RGS6: variants seen among roughly 807,000 people sequenced by gnomAD.
RGS6 encodes regulator of G-protein signaling 6.
A neutral mutation model predicts 78.5 loss-of-function variants in RGS6; 30 were observed. That is an observed-to-expected ratio of 0.38 (90% CI 0.29 to 0.52). The LOEUF is 0.52. Ranked by LOEUF, RGS6 falls within the 20% of genes least tolerant of loss-of-function variation. The pLI is 0.85. For synonymous variants in RGS6, 206 were observed against 206.0 expected, an observed-to-expected ratio of 1.00 and a Z score of 0.00; for missense variants, 495 against 609.7, an observed-to-expected ratio of 0.81 and a Z score of 1.98.
At chr14:72,621,835 T>C in the RGS6 span, among the ~76,000 whole-genome samples, 2 of 152,278 alleles carry the variant, frequency 1.3e-5, no homozygotes, top group Admixed American at 6.5e-5. Context: ...GCCGTCTGGG[T>C]TGTGGCTTGG....
intron 2 of RGS6, among the ~76,000 whole-genome samples, chr14:72,305,321 C>T (rs904351047): frequency 2.6e-5 from 4 of 152,126 alleles, no homozygotes; most frequent in African/African-American, 9.7e-5. Flanking sequence ...CATATAGATG[C>T]ATCTTCTCCA....
chr14:72,608,659 C>T, the RGS6 span, among the ~76,000 whole-genome samples: 1 of 152,178 alleles, frequency 6.6e-6, no homozygotes, highest in African/African-American at 2.4e-5. Context: ...AGAAAAGGAG[C>T]TGCTCTACTC....
intron 2 of RGS6, among the ~76,000 whole-genome samples, chr14:72,220,259 A>C (rs555406585): frequency 6.6e-6 from 1 of 152,282 alleles, no homozygotes; most frequent in African/African-American, 2.4e-5. Flanking sequence ...AACATTCCAC[A>C]TGAATTTTTT....
the RGS6 span, among the ~76,000 whole-genome samples, chr14:71,877,960 A>T: frequency 2.0e-5 from 3 of 152,130 alleles, no homozygotes; most frequent in African/African-American, 7.2e-5. Context: ...TCCAGACGCT[A>T]TTTGCCTGGG....
intron 12 of RGS6, among the ~76,000 whole-genome samples, chr14:72,480,626 G>A (rs1205543715): frequency 3.3e-5 from 5 of 152,134 alleles, no homozygotes; most frequent in South Asian, 2.1e-4. Flanking sequence ...GAAAGGAGAC[G>A]CGTGTTAGCT....
At chr14:71,905,366 C>CT in the RGS6 span, among the ~76,000 whole-genome samples, 2 of 152,080 alleles carry the variant, frequency 1.3e-5, no homozygotes, top group Admixed American at 6.5e-5. Flanking sequence ...GTTGTTTTGT[C>CT]TTTTTTTGCA....
intron 2 of RGS6, among the ~76,000 whole-genome samples, chr14:72,289,052 A>G (rs2063108051): frequency 6.6e-6 from 1 of 152,204 alleles, no homozygotes; most frequent in East Asian, 1.9e-4. Flanking sequence ...TGCATATACA[A>G]CATGTCTACA....
At chr14:72,088,226 C>T (rs894760331) in intron 2 of RGS6, among the ~76,000 whole-genome samples, 5 of 152,144 alleles carry the variant, frequency 3.3e-5, no homozygotes, top group South Asian at 4.2e-4. Context: ...GAGTAACCTT[C>T]GGGGCACATT....
chr14:72,262,654 G>A (rs2058368358), intron 2 of RGS6, among the ~76,000 whole-genome samples: 1 of 152,220 alleles, frequency 6.6e-6, no homozygotes, highest in African/African-American at 2.4e-5. Flanking sequence ...TCTTCTGCAA[G>A]TTGACATTTC....
chr14:71,924,166 T>C, the RGS6 span, among the ~76,000 whole-genome samples: 2 of 152,066 alleles, frequency 1.3e-5, no homozygotes, highest in Admixed American at 6.6e-5. Flanking sequence ...CACCTCAGCC[T>C]CCCCAGTAGC....
At chr14:71,894,998 A>G in the RGS6 span, among the ~76,000 whole-genome samples, 2 of 152,030 alleles carry the variant, frequency 1.3e-5, no homozygotes, top group East Asian at 3.9e-4. Context: ...TCCCGACCTC[A>G]GGTGATCTGC....
intron 17 of RGS6, among the ~76,000 whole-genome samples, chr14:72,558,230 G>GTCTT (rs1226069982): frequency 6.6e-6 from 1 of 152,062 alleles, no homozygotes; most frequent in Non-Finnish European, 1.5e-5. Flanking sequence ...TGTAACTTCG[G>GTCTT]TCTTAGTTCA....
intron 2 of RGS6, among the ~76,000 whole-genome samples, chr14:72,271,617 T>C (rs993560954): frequency 6.6e-6 from 1 of 152,236 alleles, no homozygotes; most frequent in African/African-American, 2.4e-5. Context: ...TAACCTGCGA[T>C]GGATTTGTGA....
intron 1 of RGS6, among the ~76,000 whole-genome samples, chr14:71,952,598 C>T (rs2092428765): frequency 1.3e-5 from 2 of 151,136 alleles, no homozygotes; most frequent in African/African-American, 4.9e-5. Flanking sequence ...CTGTAAAACC[C>T]CCGAGAACCT....
At chr14:72,170,920 A>T (rs981330755) in intron 2 of RGS6, among the ~76,000 whole-genome samples, 3 of 152,210 alleles carry the variant, frequency 2.0e-5, no homozygotes, top group Non-Finnish European at 4.4e-5. Flanking sequence ...CTCAGGGTGC[A>T]TGCTGTCTCT....
At chr14:71,985,484 G>C (rs1378470775) in intron 2 of RGS6, among the ~76,000 whole-genome samples, 1 of 152,112 alleles carries the variant, frequency 6.6e-6, no homozygotes, top group Non-Finnish European at 1.5e-5. Context: ...TACTTATTTA[G>C]GGTTTGTTAT....
intron 2 of RGS6, among the ~76,000 whole-genome samples, chr14:72,110,132 A>G (rs530577138): frequency 6.6e-6 from 1 of 152,304 alleles, no homozygotes; most frequent in Admixed American, 6.5e-5. Flanking sequence ...CACAACTATC[A>G]CCATTCACCA....
the RGS6 span, among the ~76,000 whole-genome samples, chr14:72,602,225 G>A: frequency 6.6e-6 from 1 of 152,218 alleles, no homozygotes; most frequent in Non-Finnish European, 1.5e-5. Flanking sequence ...GTTTCTTGAG[G>A]AAACTTACGT....
chr14:72,338,455 G>T (rs2076425378), intron 2 of RGS6, among the ~76,000 whole-genome samples: 1 of 152,186 alleles, frequency 6.6e-6, no homozygotes, highest in Non-Finnish European at 1.5e-5. Flanking sequence ...GGAAACCCAT[G>T]ATTCAATTAT....
Sources: allele counts gnomAD v4.1 joint callset (sites outside exome capture counted in the v4.1 genomes callset), GRCh38; gene constraint gnomAD v4.1.1; transcripts MANE v1.5; gene names NCBI Gene and HGNC (gene_info 2026-07-23, HGNC 2026-07-21).